Variants in CNTN3 observed in about 807,000 individuals in gnomAD.
CNTN3 encodes contactin 3, also known as contactin-3.
CNTN3 carries 60 observed loss-of-function variants against 119.1 expected under a neutral mutation model. The observed-to-expected ratio is 0.50, with a 90% CI of 0.41 to 0.62. The LOEUF is 0.62. CNTN3 is among the 20% of genes least tolerant of loss of function. The pLI, the probability that CNTN3 is intolerant of heterozygous loss-of-function variation, is 0.00. For missense variants in CNTN3, 1,101 were observed against 1,242.4 expected, an observed-to-expected ratio of 0.89 and a Z score of 1.71; for synonymous variants, 450 against 438.7, an observed-to-expected ratio of 1.03 and a Z score of -0.32.
At chr3:74,412,229 T>G (rs1311348585) in intron 5 of CNTN3, among the ~76,000 whole-genome samples, 1 of 152,184 alleles carries the variant, frequency 6.6e-6, no homozygotes, top group African/African-American at 2.4e-5. Flanking sequence ...AGAATCTCAC[T>G]CTTTAGATTT....
At chr3:74,345,173 A>G (rs1479480607) in intron 11 of CNTN3, among the ~76,000 whole-genome samples, 1 of 152,134 alleles carries the variant, frequency 6.6e-6, no homozygotes, top group Non-Finnish European at 1.5e-5. Flanking sequence ...CTTGAGTCAC[A>G]CATTTCTTCA....
intron 8 of CNTN3, among the ~76,000 whole-genome samples, chr3:74,368,305 T>C (rs1559566775): frequency 6.6e-6 from 1 of 152,112 alleles, no homozygotes; most frequent in African/African-American, 2.4e-5. Context: ...GCACATATGC[T>C]ATCCAAGGAC....
intron 5 of CNTN3, among the ~76,000 whole-genome samples, chr3:74,402,416 T>C (rs1372935989): frequency 6.6e-6 from 1 of 152,192 alleles, no homozygotes; most frequent in Non-Finnish European, 1.5e-5. Flanking sequence ...AATTTCTACC[T>C]TATTTAGAAG....
intron 4 of CNTN3, among the ~76,000 whole-genome samples, chr3:74,427,798 A>C (rs578022037): frequency 2.0e-5 from 3 of 152,162 alleles, no homozygotes; most frequent in African/African-American, 7.2e-5. Context: ...TTCCAAATAA[A>C]ATAAAATACC....
intron 4 of CNTN3, among the ~76,000 whole-genome samples, chr3:74,439,004 T>A (rs1475151929): frequency 6.6e-6 from 1 of 152,180 alleles, no homozygotes; most frequent in African/African-American, 2.4e-5. Context: ...AATAGCATAG[T>A]TCACAGGTGG....
chr3:74,536,314 G>C (rs1336622075), intron 1 of CNTN3, among the ~76,000 whole-genome samples: 2 of 152,052 alleles, frequency 1.3e-5, no homozygotes, highest in African/African-American at 4.8e-5. Flanking sequence ...GTACCATACA[G>C]ATATTAACCT....
chr3:74,589,341 A>C (rs1450900499), intron 1 of CNTN3, among the ~76,000 whole-genome samples: 3 of 149,744 alleles, frequency 2.0e-5, no homozygotes, highest in Non-Finnish European at 4.5e-5. Flanking sequence ...ATGCAGCCAA[A>C]AGACACATGA....
chr3:74,365,762 T>C, intron 8 of CNTN3, 60 bp from the exon 9 acceptor site: 1 of 1,520,188 alleles, frequency 6.6e-7, no homozygotes, highest in Non-Finnish European at 8.9e-7. Context: ...ATAAAATGTA[T>C]TTATTATTTT....
At chr3:74,545,102 G>C (rs1703896115) in intron 1 of CNTN3, among the ~76,000 whole-genome samples, 1 of 152,124 alleles carries the variant, frequency 6.6e-6, no homozygotes, top group South Asian at 2.1e-4. Flanking sequence ...GTTTAGGCAG[G>C]TTAATGTTTC....
chr3:74,576,018 A>C (rs908802059), intron 1 of CNTN3, among the ~76,000 whole-genome samples: 8 of 152,046 alleles, frequency 5.3e-5, no homozygotes, highest in Admixed American at 2.0e-4. Context: ...GTCTCTTCAG[A>C]AGAGTCTGCC....
intron 13 of CNTN3, among the ~76,000 whole-genome samples, chr3:74,332,621 C>A (rs1398934901): frequency 6.6e-6 from 1 of 152,218 alleles, no homozygotes; most frequent in African/African-American, 2.4e-5. Flanking sequence ...TTCTTTGTAA[C>A]TGTTTGATGC....
intron 1 of CNTN3, among the ~76,000 whole-genome samples, chr3:74,602,244 C>T (rs1704922599): frequency 7.3e-6 from 1 of 137,056 alleles, no homozygotes; most frequent in African/African-American, 2.7e-5. Flanking sequence ...TGCAGTAAGC[C>T]ATGATCGCAC....
At chr3:74,273,219 TCATTCTTTCAGTGCTTGCCTTATTCA>T (rs1183154831) in intron 20 of CNTN3, among the ~76,000 whole-genome samples, 1 of 152,202 alleles carries the variant, frequency 6.6e-6, no homozygotes, top group African/African-American at 2.4e-5. Flanking sequence ...ACATTCAGAC[TCATTCTTTCAGTGCTTGCCTTATTCA>T]CATTTCCTTT....
chr3:74,461,436 A>C (rs1207149051), intron 4 of CNTN3, among the ~76,000 whole-genome samples: 1 of 152,072 alleles, frequency 6.6e-6, no homozygotes, highest in South Asian at 2.1e-4. Context: ...ATTGGTAATT[A>C]GACCTAGAGG....
At chr3:74,445,271 G>C (rs1702030364) in intron 4 of CNTN3, among the ~76,000 whole-genome samples, 2 of 151,774 alleles carry the variant, frequency 1.3e-5, no homozygotes, top group South Asian at 4.2e-4. Flanking sequence ...TTTTGTTTTT[G>C]GTTTTTTTTT....
At chr3:74,340,888 T>C (rs1703518667) in intron 11 of CNTN3, among the ~76,000 whole-genome samples, 1 of 152,162 alleles carries the variant, frequency 6.6e-6, no homozygotes, top group Admixed American at 6.6e-5. Context: ...TCAGGTATCT[T>C]CTATGCAATG....
chr3:74,399,438 T>G (rs182933096), intron 5 of CNTN3, among the ~76,000 whole-genome samples: 9 of 152,316 alleles, frequency 5.9e-5, no homozygotes, highest in African/African-American at 1.9e-4. Flanking sequence ...GATAATGGCC[T>G]CCAGCTGCAT....
chr3:74,361,841 T>C (rs371182730), intron 11 of CNTN3, 49 bp downstream of exon 11: 2 of 1,553,720 alleles, frequency 1.3e-6, no homozygotes, highest in Admixed American at 1.9e-5. Context: ...GACATCAGTA[T>C]GGAAAGTGAG....
rs1035554040 is a variant in CNTN3, at chr3:74,546,557, A to G, written c.-80-25365T>C. On this transcript the variant is annotated intron_variant, in intron 1 of 22. Transcript: ENST00000263665. ...AGACTGGCTAAGTCTTCAGGCCTAC[A>G]TCTTTTTCCTGTGCTGGATCCTTCC... Among the ~76,000 whole-genome samples, 26 of 152,164 alleles carry G rather than the reference A, an allele frequency of 1.7e-4. 1 individual carries two copies. Among genetic ancestry groups the G allele is most frequent in the Admixed American group, 1.7e-3 (26 of 15,278 alleles).
Sources: allele counts gnomAD v4.1 joint callset (sites outside exome capture counted in the v4.1 genomes callset), GRCh38; gene constraint gnomAD v4.1.1; transcripts MANE v1.5; gene names NCBI Gene and HGNC (gene_info 2026-07-23, HGNC 2026-07-21).